TUSC3: variants seen among roughly 807,000 people sequenced by gnomAD.
TUSC3 encodes tumor suppressor candidate 3.
Under a neutral mutation model 44.8 loss-of-function variants are expected in TUSC3, and 45 were observed. The observed-to-expected ratio is 1.00, with a 90% CI of 0.79 to 1.29. TUSC3 has a LOEUF of 1.29. Ranked by LOEUF, TUSC3 falls within the 50% of genes most tolerant of loss-of-function variation. The pLI is 0.00. For missense variants in TUSC3, 519 were observed against 437.9 expected (o/e 1.19, Z -1.65); for synonymous variants, 212 against 152.9 (o/e 1.39, Z -2.85).
intron 2 of TUSC3, among the ~76,000 whole-genome samples, chr8:15,533,955 G>T (rs1428702270): frequency 6.6e-6 from 1 of 152,152 alleles, no homozygotes; most frequent in African/African-American, 2.4e-5. Context: ...TTATGGTGAT[G>T]GCTGACATTA....
chr8:15,606,809 T>C (rs1804547170), intron 1 of TUSC3, among the ~76,000 whole-genome samples: 3 of 152,086 alleles, frequency 2.0e-5, no homozygotes, highest in Non-Finnish European at 4.4e-5. Flanking sequence ...TAAAGCTTCG[T>C]ATGTATTATA....
chr8:15,650,578 T>C, intron 2 of TUSC3, 119 bp from the exon 3 acceptor site: 1 of 746,314 alleles, frequency 1.3e-6, no homozygotes, highest in Admixed American at 2.3e-5. Flanking sequence ...AAACTATGCT[T>C]TTCTTACAGT....
At chr8:15,419,209 C>T (rs943600488) in intron 1 of TUSC3, among the ~76,000 whole-genome samples, 1 of 152,050 alleles carries the variant, frequency 6.6e-6, no homozygotes, top group African/African-American at 2.4e-5. Flanking sequence ...TTCTGTTCCA[C>T]GATAAAAGAT....
At chr8:15,694,812 C>T (rs1395062589) in intron 6 of TUSC3, among the ~76,000 whole-genome samples, 1 of 152,062 alleles carries the variant, frequency 6.6e-6, no homozygotes, top group Non-Finnish European at 1.5e-5. Flanking sequence ...TGAGTTGTTC[C>T]CAGATTGCTG....
chr8:15,830,673 C>T, the TUSC3 span, among the ~76,000 whole-genome samples: 1 of 152,130 alleles, frequency 6.6e-6, no homozygotes, highest in Non-Finnish European at 1.5e-5. Flanking sequence ...AAATTAAATA[C>T]TGCATACTCT....
At chr8:15,756,003 T>C (rs181407046) in intron 9 of TUSC3, among the ~76,000 whole-genome samples, 2 of 152,290 alleles carry the variant, frequency 1.3e-5, no homozygotes, top group East Asian at 3.9e-4. Context: ...TTTTGAGACA[T>C]GAGACATTTC....
At chr8:15,610,873 A>G (rs1804734282) in intron 1 of TUSC3, among the ~76,000 whole-genome samples, 1 of 152,132 alleles carries the variant, frequency 6.6e-6, no homozygotes, top group African/African-American at 2.4e-5. Context: ...ATCTCTCCTC[A>G]GGGAAAATTT....
chr8:15,675,220 G>A (rs141623988), intron 6 of TUSC3, among the ~76,000 whole-genome samples: 56 of 151,834 alleles, frequency 3.7e-4, no homozygotes, highest in African/African-American at 1.2e-3. Flanking sequence ...GATCGCTGTC[G>A]TGTTAATGAC....
At chr8:15,798,802 G>A in the TUSC3 span, among the ~76,000 whole-genome samples, 80 of 152,236 alleles carry the variant, frequency 5.3e-4, no homozygotes, top group African/African-American at 1.8e-3. Flanking sequence ...TCACTTTAAT[G>A]TGGGACACCT....
At chr8:15,649,532 C>G (rs1262033772) in intron 2 of TUSC3, among the ~76,000 whole-genome samples, 1 of 150,752 alleles carries the variant, frequency 6.6e-6, no homozygotes, top group Admixed American at 6.6e-5. Flanking sequence ...TGCAGTGAGC[C>G]GAGATCGCGC....
the TUSC3 span, among the ~76,000 whole-genome samples, chr8:15,803,246 T>A: frequency 6.6e-6 from 1 of 152,198 alleles, no homozygotes; most frequent in Admixed American, 6.5e-5. Flanking sequence ...TGTGGCAATT[T>A]TTCATCATTC....
intron 2 of TUSC3, among the ~76,000 whole-genome samples, chr8:15,644,092 T>A (rs1806508843): frequency 1.3e-5 from 2 of 152,328 alleles, no homozygotes; most frequent in South Asian, 2.1e-4. Context: ...TATGTAGAAC[T>A]GTAGATGATA....
the TUSC3 span, among the ~76,000 whole-genome samples, chr8:15,786,095 G>T: frequency 3.3e-5 from 5 of 152,060 alleles, no homozygotes; most frequent in African/African-American, 1.2e-4. Context: ...GTATACAATA[G>T]AATTTTAAAC....
chr8:15,627,153 G>C (rs774581611), intron 2 of TUSC3, among the ~76,000 whole-genome samples: 16 of 152,230 alleles, frequency 1.1e-4, no homozygotes, highest in Non-Finnish European at 1.5e-4. Flanking sequence ...GCTAGCTGCA[G>C]AGAGAAGCTG....
At chr8:15,851,945 A>G in the TUSC3 span, among the ~76,000 whole-genome samples, 4 of 152,112 alleles carry the variant, frequency 2.6e-5, no homozygotes, top group African/African-American at 9.7e-5. Flanking sequence ...TGATAGTTTT[A>G]TAAGGGGAAA....
At chr8:15,832,435 C>T in the TUSC3 span, among the ~76,000 whole-genome samples, 3 of 152,068 alleles carry the variant, frequency 2.0e-5, no homozygotes, top group South Asian at 4.1e-4. Flanking sequence ...ATATAACAAT[C>T]CTAACCTTGA....
intron 6 of TUSC3, among the ~76,000 whole-genome samples, chr8:15,675,446 T>C (rs964615698): frequency 3.9e-5 from 6 of 152,068 alleles, no homozygotes; most frequent in African/African-American, 1.4e-4. Context: ...CTTTTTTTTT[T>C]CTTTGGTTGT....
intron 1 of TUSC3, among the ~76,000 whole-genome samples, chr8:15,567,291 C>T (rs1039979981): frequency 1.3e-5 from 2 of 152,150 alleles, no homozygotes; most frequent in African/African-American, 4.8e-5. Flanking sequence ...AAAGTTCTTC[C>T]TAACTTACTG....
chr8:15,816,102 C>A, the TUSC3 span, among the ~76,000 whole-genome samples: 1 of 152,116 alleles, frequency 6.6e-6, no homozygotes, highest in African/African-American at 2.4e-5. Flanking sequence ...GATGGATGAC[C>A]CTCTTTCCCC....
Sources: allele counts gnomAD v4.1 joint callset (sites outside exome capture counted in the v4.1 genomes callset), GRCh38; gene constraint gnomAD v4.1.1; transcripts MANE v1.5; gene names NCBI Gene and HGNC (gene_info 2026-07-23, HGNC 2026-07-21).